Variants in SAMD5 observed in about 807,000 individuals in gnomAD.
SAMD5 encodes sterile alpha motif domain containing 5.
SAMD5 carries 13 observed loss-of-function variants against 11.3 expected under a neutral mutation model. The ratio of observed to expected loss-of-function variants is 1.15; its 90% CI spans 0.75 to 1.83. The LOEUF is 1.83. Ranked by LOEUF, SAMD5 falls within the 40% of genes most tolerant of loss-of-function variation. The pLI is 0.00. For synonymous variants in SAMD5, 129 were observed against 111.3 expected, an observed-to-expected ratio of 1.16 and a Z score of -1.00; for missense variants, 255 against 239.1, an observed-to-expected ratio of 1.07 and a Z score of -0.44.
chr6:147,947,139 T>C, the SAMD5 span, among the ~76,000 whole-genome samples: 1,471 of 152,316 alleles, frequency 9.7e-3, 15 homozygotes, highest in African/African-American at 0.034. Context: ...CTGCATAGAA[T>C]AAAAAACAAG....
chr6:147,563,483 C>T (rs900463146), intron 1 of SAMD5, among the ~76,000 whole-genome samples: 1 of 152,186 alleles, frequency 6.6e-6, no homozygotes, highest in Non-Finnish European at 1.5e-5. Context: ...TGAATCTAAG[C>T]AGCACAAAAT....
chr6:147,626,019 C>T (rs1325202867), intron 1 of SAMD5, among the ~76,000 whole-genome samples: 3 of 151,988 alleles, frequency 2.0e-5, no homozygotes, highest in Non-Finnish European at 2.9e-5. Context: ...GACACCTAAG[C>T]GGAAGTCTTC....
chr6:147,806,990 A>T, the SAMD5 span, among the ~76,000 whole-genome samples: 1 of 148,468 alleles, frequency 6.7e-6, no homozygotes, highest in East Asian at 1.9e-4. Flanking sequence ...TCTGCAGGGG[A>T]GTAAAAGAGT....
chr6:147,951,910 C>G, the SAMD5 span, among the ~76,000 whole-genome samples: 1 of 152,162 alleles, frequency 6.6e-6, no homozygotes, highest in Non-Finnish European at 1.5e-5. Flanking sequence ...TAATTCCTGC[C>G]ACATCGGGAT....
the SAMD5 span, among the ~76,000 whole-genome samples, chr6:147,788,433 AG>A: frequency 1.3e-5 from 2 of 152,234 alleles, no homozygotes; most frequent in Admixed American, 6.5e-5. Context: ...CAAAATTAAT[AG>A]TGAAGTATTT....
chr6:147,643,480 C>T (rs1272352858), intron 1 of SAMD5, among the ~76,000 whole-genome samples: 5 of 151,984 alleles, frequency 3.3e-5, no homozygotes, highest in South Asian at 4.1e-4. Context: ...AAAAAGTGGC[C>T]GCCTGGTCTG....
At chr6:147,850,743 C>T in the SAMD5 span, among the ~76,000 whole-genome samples, 1 of 151,988 alleles carries the variant, frequency 6.6e-6, no homozygotes, top group Admixed American at 6.6e-5. Context: ...CCCTGTACTG[C>T]CCAAGATAGG....
chr6:147,894,364 C>A, the SAMD5 span, among the ~76,000 whole-genome samples: 1 of 152,040 alleles, frequency 6.6e-6, no homozygotes, highest in African/African-American at 2.4e-5. Context: ...CCTTGTGATC[C>A]GCCTGCATCG....
At chr6:147,917,377 G>A in the SAMD5 span, among the ~76,000 whole-genome samples, 13 of 149,152 alleles carry the variant, frequency 8.7e-5, no homozygotes, top group African/African-American at 2.0e-4. Flanking sequence ...GTCTGTTCAT[G>A]TCCTTCGCCC....
intron 1 of SAMD5, among the ~76,000 whole-genome samples, chr6:147,631,531 CT>C (rs1030989009): frequency 2.6e-5 from 4 of 152,110 alleles, no homozygotes; most frequent in African/African-American, 7.2e-5. Flanking sequence ...GCCTGAGAAA[CT>C]GCTTGGGTGA....
chr6:147,772,966 G>T, the SAMD5 span, among the ~76,000 whole-genome samples: 1 of 152,176 alleles, frequency 6.6e-6, no homozygotes, highest in Admixed American at 6.5e-5. Context: ...TTGATCCACT[G>T]AGGGTGGAAC....
Position 147,568,771 on chromosome 6 carries a change from T to G in SAMD5, c.*4315T>G. 1 of 968,198 alleles carries G rather than the reference T, an allele frequency of 1.0e-6. No individual in the cohort carries two copies. Among genetic ancestry groups the G allele is most frequent in the Non-Finnish European group, 1.2e-6 (1 of 814,254 alleles). 60.0% of individuals were successfully genotyped at this position (968,198 alleles called of 1,614,324 possible). On this transcript the variant is annotated 3_prime_UTR_variant, in exon 2 of 2. Coordinates refer to ENST00000367474, the MANE Select transcript of SAMD5 (RefSeq NM_001030060.3). ...CAATTACATATTCCTACATCAGATA[T>G]TTTACACTATCAGATTCTTTGATTA...
At chr6:147,650,961 A>C (rs867978950) in intron 1 of SAMD5, among the ~76,000 whole-genome samples, 1 of 104,742 alleles carries the variant, frequency 9.5e-6, no homozygotes, top group African/African-American at 5.0e-5. Flanking sequence ...GATTTTTATT[A>C]CTTATGAATT....
In SAMD5 at chr6:147,657,135, C is replaced by G. The variant is rs531621926; in HGVS notation, c.163-80182C>G. ...AGGATATATACTGAAGTGAAAAAAG[C>G]TATGTGCAAGAGAGTATAAGGAAGC... On this transcript the variant is annotated intron_variant, in intron 1 of 1. Coordinates refer to the SAMD5 transcript ENST00000566741. 7.2e-5 allele frequency among the ~76,000 whole-genome samples: 11 copies of G among 152,026 alleles called. No homozygotes were observed. In the Middle Eastern group the frequency reaches 0.014, roughly 188 times the overall value.
chr6:147,718,988 G>T (rs1358883061), intron 1 of SAMD5, among the ~76,000 whole-genome samples: 1 of 152,192 alleles, frequency 6.6e-6, no homozygotes, highest in African/African-American at 2.4e-5. Flanking sequence ...ACCGCGCCCG[G>T]CCGAAGTGTC....
At chr6:147,727,236 T>C (rs946856826) in intron 1 of SAMD5, among the ~76,000 whole-genome samples, 18 of 152,212 alleles carry the variant, frequency 1.2e-4, no homozygotes, top group Admixed American at 1.2e-3. Context: ...CTGTTCCCTC[T>C]GTCCAGAATG....
At chr6:147,895,921 C>T in the SAMD5 span, among the ~76,000 whole-genome samples, 1 of 152,162 alleles carries the variant, frequency 6.6e-6, no homozygotes, top group East Asian at 1.9e-4. Flanking sequence ...GAACATAGGA[C>T]TCCAAAGTCA....
intron 1 of SAMD5, among the ~76,000 whole-genome samples, chr6:147,546,446 C>G (rs1788687317): frequency 6.7e-6 from 1 of 148,426 alleles, no homozygotes; most frequent in Admixed American, 7.0e-5. Flanking sequence ...AGGAGAATCT[C>G]TTGAACCCAG....
the SAMD5 span, among the ~76,000 whole-genome samples, chr6:147,783,109 T>A: frequency 4.6e-5 from 7 of 152,212 alleles, no homozygotes; most frequent in African/African-American, 1.7e-4. Context: ...TATTATTTTT[T>A]GTTTTCCTTG....
Sources: gnomAD v4.1 joint callset for allele counts (sites outside exome capture counted in the v4.1 genomes callset) on GRCh38, gnomAD v4.1.1 for gene constraint, MANE v1.5 for transcripts, NCBI Gene and HGNC (gene_info 2026-07-23, HGNC 2026-07-21) for gene names.